Variants in MAML3 observed in about 807,000 individuals in gnomAD.
MAML3 encodes mastermind like transcriptional coactivator 3.
MAML3 carries 27 observed loss-of-function variants against 101.9 expected under a neutral mutation model. The observed-to-expected ratio is 0.27, with a 90% CI of 0.20 to 0.37. The LOEUF (loss-of-function observed/expected upper bound fraction) is 0.37. Among genes scored for constraint, MAML3 ranks in the 10% least tolerant of loss-of-function variants. MAML3 has a pLI of 1.00. For missense variants in MAML3, 1,316 were observed against 1,444.9 expected (o/e 0.91, Z 1.45); for synonymous variants, 501 against 555.9 (o/e 0.90, Z 1.39).
At chr4:140,087,923 G>A (rs181155761) in intron 1 of MAML3, among the ~76,000 whole-genome samples, 51 of 152,240 alleles carry the variant, frequency 3.3e-4, no homozygotes, top group Admixed American at 7.2e-4. Context: ...TTCTGAAAAT[G>A]AGTAACAATC....
chr4:140,091,697 G>T (rs1728055085), intron 1 of MAML3, among the ~76,000 whole-genome samples: 1 of 152,160 alleles, frequency 6.6e-6, no homozygotes, highest in Non-Finnish European at 1.5e-5. Context: ...TTACAGGAGA[G>T]AAAGGGCTCC....
chr4:139,906,089 T>A (rs1439198786), intron 1 of MAML3, among the ~76,000 whole-genome samples: 1 of 152,150 alleles, frequency 6.6e-6, no homozygotes, highest in Non-Finnish European at 1.5e-5. Context: ...AGTTTAACAA[T>A]ATGTATACTC....
At chr4:139,884,220 T>A (rs1429368299) in intron 2 of MAML3, among the ~76,000 whole-genome samples, 3 of 152,210 alleles carry the variant, frequency 2.0e-5, no homozygotes, top group African/African-American at 7.2e-5. Flanking sequence ...CCAAGAGATT[T>A]CCATGATGGC....
At chr4:139,839,597 C>T (rs1731325807) in intron 2 of MAML3, among the ~76,000 whole-genome samples, 1 of 152,054 alleles carries the variant, frequency 6.6e-6, no homozygotes, top group Non-Finnish European at 1.5e-5. Flanking sequence ...CTTGTTCCCA[C>T]CCTACATTGT....
intron 1 of MAML3, among the ~76,000 whole-genome samples, chr4:140,029,453 C>T (rs1578650086): frequency 6.6e-6 from 1 of 152,122 alleles, no homozygotes; most frequent in African/African-American, 2.4e-5. Flanking sequence ...GTATTCCTTT[C>T]TTATTTGTGT....
intron 1 of MAML3, among the ~76,000 whole-genome samples, chr4:140,088,537 A>G (rs1238524331): frequency 1.3e-5 from 2 of 152,130 alleles, no homozygotes; most frequent in Non-Finnish European, 2.9e-5. Context: ...CTCATGTTCC[A>G]GCTTCTAGTC....
intron 2 of MAML3, among the ~76,000 whole-genome samples, chr4:139,747,672 C>A (rs1426843567): frequency 7.0e-6 from 1 of 143,348 alleles, no homozygotes; most frequent in African/African-American, 2.6e-5. Context: ...CCAGCCTGGG[C>A]AAGAGAGCAA....
intron 1 of MAML3, among the ~76,000 whole-genome samples, chr4:140,091,188 C>T (rs1728040294): frequency 1.3e-5 from 2 of 152,132 alleles, no homozygotes; most frequent in South Asian, 4.1e-4. Flanking sequence ...GCAAAAAGCC[C>T]TACATACACT....
At chr4:139,797,675 T>C (rs774603288) in intron 2 of MAML3, among the ~76,000 whole-genome samples, 2 of 152,090 alleles carry the variant, frequency 1.3e-5, no homozygotes, top group Non-Finnish European at 2.9e-5. Flanking sequence ...ATTGATATGA[T>C]GTTTGGTTGG....
intron 1 of MAML3, among the ~76,000 whole-genome samples, chr4:139,933,470 G>A (rs1036355590): frequency 2.0e-5 from 3 of 152,188 alleles, no homozygotes; most frequent in Non-Finnish European, 4.4e-5. Context: ...CATCCAACAC[G>A]TAATGCATTT....
At chr4:139,922,541 T>C (rs1209419664) in intron 1 of MAML3, among the ~76,000 whole-genome samples, 2 of 152,168 alleles carry the variant, frequency 1.3e-5, no homozygotes, top group Admixed American at 6.5e-5. Flanking sequence ...GAATTAGACA[T>C]ACGATTTACA....
At position 140,036,162 on chromosome 4, in the gene MAML3, A is replaced by G. The variant is rs138013826; in HGVS notation, c.468+116698T>C. ...CAGTGTCAGTCAAGGTTTTCATTGAATAACAAGTGTGTGTGATTTCTAATA... is the reference window on the plus strand; with the variant it reads ...CAGTGTCAGTCAAGGTTTTCATTGAGTAACAAGTGTGTGTGATTTCTAATA... On this transcript the variant is annotated intron_variant, in intron 1 of 4. Coordinates refer to ENST00000509479, the MANE Select transcript of MAML3 (RefSeq NM_018717.5). Among the ~76,000 whole-genome samples, 30 of 152,332 alleles carry G rather than the reference A, an allele frequency of 2.0e-4. 1 individual carries two copies. In the East Asian group the frequency reaches 5.8e-3, roughly 29 times the overall value.
At chr4:140,083,957 CACACACACACAGAGAGAGAGAGAGAG>C (rs928061964) in intron 1 of MAML3, among the ~76,000 whole-genome samples, 7 of 27,280 alleles carry the variant, frequency 2.6e-4, no homozygotes, top group Admixed American at 5.2e-4. Context: ...CACACACACA[CACACACACACAGAGAGAGAGAGAGAG>C]AGAGAGAGAG....
In MAML3 at chr4:139,808,264, C is replaced by A. The variant is rs1458751088; in HGVS notation, c.2080-77597G>T. Among the ~76,000 whole-genome samples the A allele has an allele frequency of 2.6e-5, 4 of 152,256 alleles. No individual in the cohort carries two copies. The East Asian group carries it at 7.7e-4, about 29-fold the overall frequency. ...ATCCATCCATTCATTCTTCAAACAA[C>A]TGTGTGTGCCTGGGGGAGCCCCCCA... On this transcript the variant is annotated intron_variant, in intron 2 of 4. Transcript: ENST00000509479.
At chr4:139,788,636 A>T (rs902971537) in intron 2 of MAML3, among the ~76,000 whole-genome samples, 33 of 152,252 alleles carry the variant, frequency 2.2e-4, no homozygotes, top group African/African-American at 8.0e-4. Context: ...TATAATCTTT[A>T]ACTTCTCTTG....
intron 2 of MAML3, among the ~76,000 whole-genome samples, chr4:139,779,728 T>C (rs1465330748): frequency 6.6e-6 from 1 of 152,238 alleles, no homozygotes; most frequent in Admixed American, 6.5e-5. Flanking sequence ...GTCACTTTGG[T>C]GATTTCATTT....
intron 2 of MAML3, among the ~76,000 whole-genome samples, chr4:139,846,478 G>T (rs1731448218): frequency 6.6e-6 from 1 of 152,102 alleles, no homozygotes; most frequent in South Asian, 2.1e-4. Flanking sequence ...CTCCCAAGTA[G>T]CTGGGACTAT....
chr4:139,893,844 T>C (rs1020754509), intron 1 of MAML3, among the ~76,000 whole-genome samples: 2 of 152,130 alleles, frequency 1.3e-5, no homozygotes, highest in African/African-American at 2.4e-5. Context: ...GTGGCCGTGG[T>C]GAAAGAGCTT....
rs3051167 is a variant in MAML3 at position 139,730,430 on chromosome 4, T to TCTG, written c.2314_2316dup (p.Gln772dup). 22 of 1,456,288 alleles carry TCTG rather than the reference T, an allele frequency of 1.5e-5. No individual in the cohort carries two copies. The highest frequency in any genetic ancestry group is 1.0e-4 in the Admixed American group (5 of 48,672). 90.2% of individuals were successfully genotyped at this position (1,456,288 alleles called of 1,614,324 possible). ...GGGCATGTTACCTGTTCCGCCAAAA[T>TCTG]CTGCTGCTGCTGCTGCTGCTGCTGC... is the stretch of plus-strand genomic sequence containing the variant. On this transcript the variant is annotated inframe_insertion, in exon 3 of 5. Transcript: ENST00000509479.
Sources: allele counts gnomAD v4.1 joint callset (sites outside exome capture counted in the v4.1 genomes callset), GRCh38; gene constraint gnomAD v4.1.1; transcripts MANE v1.5; gene names NCBI Gene and HGNC (gene_info 2026-07-23, HGNC 2026-07-21).